ZFPM2: variants seen among roughly 807,000 people sequenced by gnomAD.
The protein encoded by ZFPM2 is zinc finger protein ZFPM2.
A neutral mutation model predicts 98.6 loss-of-function variants in ZFPM2; 20 were observed. The ratio of observed to expected loss-of-function variants is 0.20; its 90% CI spans 0.14 to 0.29. The LOEUF is 0.29. Among genes scored for constraint, ZFPM2 ranks in the 10% least tolerant of loss-of-function variants. The pLI, the probability that ZFPM2 is intolerant of heterozygous loss-of-function variation, is 1.00. For synonymous variants in ZFPM2, 518 were observed against 502.7 expected (o/e 1.03, Z -0.41); for missense variants, 1,310 against 1,388.6 (o/e 0.94, Z 0.90).
At chr8:105,382,275 C>CT (rs199599651) in intron 1 of ZFPM2, among the ~76,000 whole-genome samples, 5,423 of 150,896 alleles carry the variant, frequency 0.036, 136 homozygotes, top group Non-Finnish European at 0.057. Flanking sequence ...AGTACTTAAG[C>CT]TTTTTTTTTA....
At chr8:105,707,072 C>A (rs1308633738) in intron 5 of ZFPM2, among the ~76,000 whole-genome samples, 1 of 151,894 alleles carries the variant, frequency 6.6e-6, no homozygotes, top group African/African-American at 2.4e-5. Flanking sequence ...GAGACCTCAT[C>A]TCTATTAAAC....
At chr8:105,362,695 C>A (rs553830200) in intron 1 of ZFPM2, among the ~76,000 whole-genome samples, 1 of 152,072 alleles carries the variant, frequency 6.6e-6, no homozygotes, top group South Asian at 2.1e-4. Context: ...TGAATAAATG[C>A]GCGGAAAGTC....
intron 6 of ZFPM2, among the ~76,000 whole-genome samples, chr8:105,791,432 G>C (rs1161111285): frequency 6.6e-6 from 1 of 152,096 alleles, no homozygotes; most frequent in Admixed American, 6.5e-5. Flanking sequence ...GCATCCCAGG[G>C]ATGAAGCCCA....
chr8:105,673,388 C>T lies in ZFPM2; in HGVS notation c.532+39031C>T, dbSNP rs532331890. On this transcript the variant is annotated intron_variant, in intron 5 of 7. Coordinates refer to ENST00000407775, the MANE Select transcript of ZFPM2 (RefSeq NM_012082.4). ...TAATCTTCAAAATGATAGTCAGCAA[C>T]CACTCACTGTAATAAGTTTTAAATC... Among the ~76,000 whole-genome samples the T allele has an allele frequency of 1.6e-4, 25 of 151,858 alleles. No homozygotes were observed. The South Asian group carries it at 5.2e-3, about 32-fold the overall frequency.
intron 1 of ZFPM2, among the ~76,000 whole-genome samples, chr8:105,325,793 A>G (rs1384100299): frequency 6.6e-6 from 1 of 151,758 alleles, no homozygotes; most frequent in Non-Finnish European, 1.5e-5. Flanking sequence ...TGAGATGACA[A>G]AAAGGTAGAG....
chr8:105,789,094 T>C (rs1451337739), intron 6 of ZFPM2, 170 bp downstream of exon 6: 1 of 599,820 alleles, frequency 1.7e-6, no homozygotes, highest in African/African-American at 1.8e-5. Flanking sequence ...TGTTACTTTT[T>C]TTTTTTATAC....
intron 5 of ZFPM2, among the ~76,000 whole-genome samples, chr8:105,641,876 G>GA (rs1020136570): frequency 2.0e-3 from 309 of 151,886 alleles, no homozygotes; most frequent in African/African-American, 6.0e-3. Flanking sequence ...CTATTTTGGA[G>GA]AAAAAAAATA....
At chr8:105,474,732 G>A (rs561785470) in intron 3 of ZFPM2, among the ~76,000 whole-genome samples, 40 of 152,286 alleles carry the variant, frequency 2.6e-4, no homozygotes, top group African/African-American at 8.9e-4. Flanking sequence ...ATAGGTGAAT[G>A]TTTAAAATCA....
rs545166068 is a variant in ZFPM2 at position 105,761,156 on chromosome 8, C to T, written c.533-27562C>T. 4.1e-4 allele frequency among the ~76,000 whole-genome samples: 63 copies of T among 152,010 alleles called. 1 individual carries two copies. The highest frequency in any genetic ancestry group is 1.3e-3 in the African/African-American group (55 of 41,492). On this transcript the variant is annotated intron_variant, in intron 5 of 7. Transcript: ENST00000407775. ...CATGAATATTTCATCTGCAGAGATC[C>T]GCTGACATCTCAGTACACAGATCCA... is the stretch of plus-strand genomic sequence containing the variant.
At position 105,802,127 on chromosome 8, in the gene ZFPM2, G is replaced by T; in HGVS notation, c.2045G>T (p.Ser682Ile). The stretch of plus-strand genomic sequence containing the variant: ...AGTGTCCCCTTAGTGGATGGGGAAA[G>T]TGACCCAAATAAGACTACCTGTGAA... ...NPSVPLVDGESDPNKTTCEAC... is the reference protein window; with the variant it reads ...NPSVPLVDGEIDPNKTTCEAC... The change falls in exon 8 of 8, where the codon AGT becomes ATT. Residue 682 changes from serine (S) to isoleucine (I), a missense_variant. Ser to Ile is a moderately radical substitution (Grantham distance 142, BLOSUM62 -2). Coordinates refer to ENST00000407775, the MANE Select transcript of ZFPM2 (RefSeq NM_012082.4). 2 of 1,613,888 alleles carry T rather than the reference G, an allele frequency of 1.2e-6. No individual in the cohort carries two copies. Among genetic ancestry groups the T allele is most frequent in the Non-Finnish European group, 1.7e-6 (2 of 1,179,860 alleles).
chr8:105,485,767 A>G (rs1310077013), intron 3 of ZFPM2, among the ~76,000 whole-genome samples: 2 of 152,196 alleles, frequency 1.3e-5, no homozygotes, highest in African/African-American at 2.4e-5. Context: ...ACTGGGGGAA[A>G]GGGACTCTGT....
chr8:105,780,774 G>A (rs1813225859), intron 5 of ZFPM2, among the ~76,000 whole-genome samples: 1 of 152,156 alleles, frequency 6.6e-6, no homozygotes, highest in African/African-American at 2.4e-5. Flanking sequence ...CAGCAACTTG[G>A]GAGGCTGAGG....
intron 1 of ZFPM2, among the ~76,000 whole-genome samples, chr8:105,330,028 G>A (rs1165682879): frequency 2.0e-5 from 3 of 151,634 alleles, no homozygotes; most frequent in Admixed American, 6.6e-5. Flanking sequence ...TAATTAACAG[G>A]ATAAATGTTC....
Position 105,671,817 on chromosome 8 carries a change from T to TA in ZFPM2, c.532+37461dup, listed in dbSNP as rs1817604215. ...TTTACAGTGCTATAGCAGTGGTCAC[T>TA]ATCATCTCTTTTTAATAGTTGGCAA... On this transcript the variant is annotated intron_variant, in intron 5 of 7. Coordinates refer to ENST00000407775, the MANE Select transcript of ZFPM2 (RefSeq NM_012082.4). Among the ~76,000 whole-genome samples the TA allele has an allele frequency of 2.0e-5, 3 of 152,254 alleles. No homozygotes were observed. The South Asian group carries it at 6.2e-4, about 31-fold the overall frequency.
chr8:105,330,621 T>TATATACATATATATATATACAC (rs1554595032), intron 1 of ZFPM2, among the ~76,000 whole-genome samples: 1 of 104,610 alleles, frequency 9.6e-6, no homozygotes. Flanking sequence ...CACATATATA[T>TATATACATATATATATATACAC]ATATATATAT....
intron 4 of ZFPM2, among the ~76,000 whole-genome samples, chr8:105,607,358 T>C (rs1816216728): frequency 6.6e-6 from 1 of 152,090 alleles, no homozygotes; most frequent in Non-Finnish European, 1.5e-5. Flanking sequence ...ATAAATTTTA[T>C]CTCATATTAA....
chr8:105,778,507 T>TGC (rs1563559459), intron 5 of ZFPM2, among the ~76,000 whole-genome samples: 2 of 151,602 alleles, frequency 1.3e-5, no homozygotes, highest in African/African-American at 4.9e-5. Flanking sequence ...TGTGTGTGTG[T>TGC]GCGTGTGTGT....
intron 3 of ZFPM2, among the ~76,000 whole-genome samples, chr8:105,473,994 T>C (rs1586398641): frequency 6.6e-6 from 1 of 152,212 alleles, no homozygotes; most frequent in Non-Finnish European, 1.5e-5. Flanking sequence ...CTCTGCTGCC[T>C]TAAACAGGCT....
At chr8:105,451,017 A>G (rs988487835) in intron 3 of ZFPM2, among the ~76,000 whole-genome samples, 9 of 152,250 alleles carry the variant, frequency 5.9e-5, no homozygotes, top group African/African-American at 2.2e-4. Flanking sequence ...CACTGGAAAG[A>G]CAGCTAATGT....
Sources: allele counts gnomAD v4.1 joint callset (sites outside exome capture counted in the v4.1 genomes callset), GRCh38; gene constraint gnomAD v4.1.1; transcripts MANE v1.5; gene names NCBI Gene and HGNC (gene_info 2026-07-23, HGNC 2026-07-21).